Variants in ZMIZ1 observed in about 807,000 individuals in gnomAD.
ZMIZ1 encodes zinc finger MIZ domain-containing protein 1.
A neutral mutation model predicts 113.9 loss-of-function variants in ZMIZ1; 17 were observed. The observed-to-expected ratio is 0.15, with a 90% confidence interval of 0.10 to 0.22. The LOEUF is 0.22. Ranked by LOEUF, ZMIZ1 falls within the 10% of genes least tolerant of loss-of-function variation. The pLI, the probability that ZMIZ1 is intolerant of heterozygous loss-of-function variation, is 1.00. For synonymous variants in ZMIZ1, 607 were observed against 603.1 expected (o/e 1.01, Z -0.09); for missense variants, 1,059 against 1,477.8 (o/e 0.72, Z 4.65).
intron 1 of ZMIZ1, among the ~76,000 whole-genome samples, chr10:79,097,921 C>T (rs1375321420): frequency 3.3e-5 from 5 of 152,200 alleles, no homozygotes; most frequent in Admixed American, 1.3e-4. Flanking sequence ...TTACCAGGGG[C>T]TTCTCAGGCA....
At chr10:79,145,446 G>T (rs966194162) in intron 3 of ZMIZ1, among the ~76,000 whole-genome samples, 2 of 151,548 alleles carry the variant, frequency 1.3e-5, no homozygotes, top group Non-Finnish European at 1.5e-5. Context: ...AGAGTCTAGG[G>T]TTGGGGTCTC....
At chr10:79,245,091 C>A (rs1589477048) in intron 7 of ZMIZ1, among the ~76,000 whole-genome samples, 1 of 152,180 alleles carries the variant, frequency 6.6e-6, no homozygotes, top group South Asian at 2.1e-4. Flanking sequence ...CACCAAACGG[C>A]GATGCTTTGG....
intron 4 of ZMIZ1, among the ~76,000 whole-genome samples, chr10:79,196,077 C>T (rs1847820037): frequency 6.6e-6 from 1 of 152,160 alleles, no homozygotes. Context: ...AGGCCTTTGA[C>T]CCTTTTACTC....
chr10:79,140,620 C>T (rs540887366), intron 3 of ZMIZ1, among the ~76,000 whole-genome samples: 27 of 152,176 alleles, frequency 1.8e-4, no homozygotes, highest in Non-Finnish European at 3.5e-4. Flanking sequence ...TCCTTCCACA[C>T]TCATCCACCC....
intron 1 of ZMIZ1, among the ~76,000 whole-genome samples, chr10:79,075,576 C>CATGCACACAT (rs1554846542): frequency 1.3e-5 from 2 of 149,262 alleles, no homozygotes; most frequent in African/African-American, 5.1e-5. Context: ...CATGCACACA[C>CATGCACACAT]ATGCACACAT....
At chr10:79,150,286 C>T (rs1251808120) in intron 3 of ZMIZ1, among the ~76,000 whole-genome samples, 1 of 152,258 alleles carries the variant, frequency 6.6e-6, no homozygotes, top group Non-Finnish European at 1.5e-5. Context: ...TGGCACTTCT[C>T]CTATTTCCCA....
At chr10:79,196,114 A>G (rs996221366) in intron 4 of ZMIZ1, among the ~76,000 whole-genome samples, 2 of 152,106 alleles carry the variant, frequency 1.3e-5, no homozygotes, top group Admixed American at 1.3e-4. Context: ...CATCTCCTCC[A>G]TTCCTGGGGT....
At chr10:79,287,260 T>C (rs749286614) in intron 8 of ZMIZ1, among the ~76,000 whole-genome samples, 14 of 152,146 alleles carry the variant, frequency 9.2e-5, no homozygotes, top group Non-Finnish European at 1.5e-4. Context: ...TTTCCTGTGT[T>C]TCTCTGCACT....
chr10:79,208,462 C>G lies in ZMIZ1; in HGVS notation c.174+13C>G, dbSNP rs774687852. ...GGGCTGTTTGACGGTGAGTCTGCAC[C>G]CTGTCCGCCTGCATTCCTGCCCAGG... On this transcript the variant is annotated intron_variant, in intron 6 of 24. Transcript: ENST00000334512. 1.1e-5 allele frequency: 17 copies of G among 1,605,616 alleles called. No homozygotes were observed. Among genetic ancestry groups the G allele is most frequent in the Middle Eastern group, 3.3e-4 (2 of 6,050 alleles).
At chr10:79,109,880 C>T (rs1843677943) in intron 1 of ZMIZ1, among the ~76,000 whole-genome samples, 1 of 152,262 alleles carries the variant, frequency 6.6e-6, no homozygotes, top group African/African-American at 2.4e-5. Flanking sequence ...AGTCAAGTTC[C>T]TTCCCCCAGC....
Position 79,084,080 on chromosome 10 carries a change from C to A in ZMIZ1, c.-337+14810C>A, listed in dbSNP as rs2132197166. Among the ~76,000 whole-genome samples the A allele has an allele frequency of 2.0e-5, 3 of 152,306 alleles. No individual in the cohort carries two copies. In the South Asian group the frequency reaches 6.2e-4, roughly 32 times the overall value. On this transcript the variant is annotated intron_variant, in intron 1 of 24. Transcript: ENST00000334512. The stretch of plus-strand genomic sequence containing the variant: ...CACTCTATGCACCATAGTTTCCCAA[C>A]ATGTTAGTCATCCTCTATCCCGAGG...
At chr10:79,179,780 T>C (rs968335918) in intron 4 of ZMIZ1, among the ~76,000 whole-genome samples, 3 of 152,234 alleles carry the variant, frequency 2.0e-5, no homozygotes, top group Non-Finnish European at 4.4e-5. Context: ...ATGAGCAGGG[T>C]TGCCATGGCA....
At chr10:79,310,698 G>A (rs758655818) in intron 23 of ZMIZ1, among the ~76,000 whole-genome samples, 3 of 152,090 alleles carry the variant, frequency 2.0e-5, no homozygotes, top group Non-Finnish European at 4.4e-5. Flanking sequence ...GCTCCACGTG[G>A]CCCGAGAGGT....
At chr10:79,091,810 C>T (rs1329817446) in intron 1 of ZMIZ1, among the ~76,000 whole-genome samples, 1 of 151,862 alleles carries the variant, frequency 6.6e-6, no homozygotes, top group East Asian at 1.9e-4. Flanking sequence ...CAGAAGGAAG[C>T]CAGGGTTAGG....
rs1318706960 is a variant in ZMIZ1 at position 79,312,635 on chromosome 10, T to C, written c.3097-7T>C. On this transcript the variant is annotated splice_region_variant and splice_polypyrimidine_tract_variant and intron_variant, in intron 24 of 24. Transcript: ENST00000334512. ...TCATCTGAACTTCATTACTCCTTCT[T>C]TTCCAGCTCCTTCCCGAACTCACAA... is the stretch of plus-strand genomic sequence containing the variant. 1 of 1,614,132 alleles carries C rather than the reference T, an allele frequency of 6.2e-7. No individual in the cohort carries two copies. The highest frequency in any genetic ancestry group is 1.1e-5 in the South Asian group (1 of 91,082).
At chr10:79,125,550 T>G (rs932296298) in intron 2 of ZMIZ1, among the ~76,000 whole-genome samples, 5 of 152,238 alleles carry the variant, frequency 3.3e-5, no homozygotes, top group African/African-American at 1.2e-4. Flanking sequence ...CCACTGGCTC[T>G]TTTTGAGCTC....
At chr10:79,283,719 A>C (rs1365011273) in intron 8 of ZMIZ1, among the ~76,000 whole-genome samples, 1 of 152,188 alleles carries the variant, frequency 6.6e-6, no homozygotes, top group East Asian at 1.9e-4. Flanking sequence ...CCAAGATGCA[A>C]AGGATTTTTT....
At chr10:79,098,049 G>C (rs942953148) in intron 1 of ZMIZ1, among the ~76,000 whole-genome samples, 2 of 152,220 alleles carry the variant, frequency 1.3e-5, no homozygotes, top group African/African-American at 2.4e-5. Context: ...GCCTTTGGAG[G>C]CTCTGGAGGA....
intron 1 of ZMIZ1, among the ~76,000 whole-genome samples, chr10:79,111,946 G>T (rs1010933544): frequency 6.6e-6 from 1 of 152,224 alleles, no homozygotes; most frequent in Non-Finnish European, 1.5e-5. Flanking sequence ...TACAAATTGG[G>T]AGCTACAGCT....
Sources: allele counts gnomAD v4.1 joint callset (sites outside exome capture counted in the v4.1 genomes callset), GRCh38; gene constraint gnomAD v4.1.1; transcripts MANE v1.5; gene names NCBI Gene and HGNC (gene_info 2026-07-23, HGNC 2026-07-21).